Variants in SV2C observed in about 807,000 individuals in gnomAD.
SV2C encodes the protein synaptic vesicle glycoprotein 2C, also known as solute carrier family 22 member B3.
In SV2C, 49 loss-of-function variants were observed where a neutral mutation model predicts 79.7. That is an observed-to-expected ratio of 0.61 (90% confidence interval 0.49 to 0.78). SV2C has a LOEUF of 0.78. Among genes scored for constraint, SV2C ranks in the 30% least tolerant of loss-of-function variants. The pLI is 0.00. For synonymous variants in SV2C, 334 were observed against 333.2 expected (o/e 1.00, Z -0.03); for missense variants, 833 against 912.9 (o/e 0.91, Z 1.13).
At chr5:76,219,124 G>A (rs182201942) in intron 4 of SV2C, among the ~76,000 whole-genome samples, 1 of 152,098 alleles carries the variant, frequency 6.6e-6, no homozygotes, top group South Asian at 2.1e-4. Context: ...GCCAGGACAG[G>A]CAGGTGACAG....
intron 1 of SV2C, among the ~76,000 whole-genome samples, chr5:76,106,506 C>T (rs1747924142): frequency 6.6e-6 from 1 of 152,226 alleles, no homozygotes; most frequent in Admixed American, 6.5e-5. Flanking sequence ...CAGATGTACA[C>T]AGGGCTTTAT....
chr5:76,273,892 A>C (rs1746947036), intron 4 of SV2C, among the ~76,000 whole-genome samples: 1 of 152,208 alleles, frequency 6.6e-6, no homozygotes, highest in Non-Finnish European at 1.5e-5. Flanking sequence ...CGTTCACAGG[A>C]TTTCAGCTCA....
At chr5:76,322,232 T>C (rs1363929101) in intron 12 of SV2C, among the ~76,000 whole-genome samples, 2 of 152,138 alleles carry the variant, frequency 1.3e-5, no homozygotes, top group Non-Finnish European at 2.9e-5. Context: ...AAGCATTCCT[T>C]TACATCAACA....
At chr5:75,891,474 C>T in the SV2C span, among the ~76,000 whole-genome samples, 1 of 152,090 alleles carries the variant, frequency 6.6e-6, no homozygotes, top group Non-Finnish European at 1.5e-5. Context: ...TCCAAGTACA[C>T]TGATGCATAA....
intron 1 of SV2C, among the ~76,000 whole-genome samples, chr5:76,115,076 G>A (rs1383630943): frequency 3.3e-5 from 5 of 152,104 alleles, no homozygotes; most frequent in African/African-American, 9.7e-5. Flanking sequence ...CAAACTCACC[G>A]TTTATGTCTA....
chr5:76,174,276 G>T, intron 2 of SV2C: 2 of 1,277,900 alleles, frequency 1.6e-6, no homozygotes, highest in South Asian at 2.5e-5. Flanking sequence ...CCCGCGGGTC[G>T]CTACTCTAGG....
chr5:76,161,435 C>T (rs1456109810), intron 2 of SV2C, among the ~76,000 whole-genome samples: 3 of 152,182 alleles, frequency 2.0e-5, no homozygotes, highest in South Asian at 4.1e-4. Context: ...TCTTCTCTCT[C>T]TGTCACGCAG....
chr5:76,241,913 A>C, intron 4 of SV2C: 1 of 696,224 alleles, frequency 1.4e-6, no homozygotes, highest in South Asian at 1.7e-5. Context: ...AGCTTTAAAA[A>C]AAATAAAATA....
At chr5:76,353,039 C>G (rs1580096297) in intron 12 of SV2C, 1 of 442,286 alleles carries the variant, frequency 2.3e-6, no homozygotes, top group East Asian at 7.3e-5. Flanking sequence ...TAACTGGGCT[C>G]AAGTGATCCT....
chr5:76,178,838 A>G (rs967392367), intron 2 of SV2C, among the ~76,000 whole-genome samples: 1 of 152,204 alleles, frequency 6.6e-6, no homozygotes, highest in Non-Finnish European at 1.5e-5. Flanking sequence ...TTCTTGGGAC[A>G]CTCAAGATTT....
intron 12 of SV2C, among the ~76,000 whole-genome samples, chr5:76,339,312 T>C (rs1044414238): frequency 6.6e-6 from 1 of 152,268 alleles, no homozygotes; most frequent in Non-Finnish European, 1.5e-5. Flanking sequence ...TATTCTTTGA[T>C]TGCCTCTTCA....
intron 4 of SV2C, among the ~76,000 whole-genome samples, chr5:76,229,252 T>G (rs1330343405): frequency 3.3e-5 from 5 of 152,254 alleles, no homozygotes; most frequent in Non-Finnish European, 7.3e-5. Context: ...TCAGAGTTCT[T>G]CCTACCCCCA....
rs574806183 is a variant in SV2C, at chr5:76,325,528, G to A, written c.2165G>A (p.Arg722Gln). Residue 722 changes from arginine (R) to glutamine (Q), a missense_variant, in exon 13 of 13, where the codon CGA becomes CAA. By Grantham distance (43) the Arg-to-Gln change is conservative. Transcript: ENST00000502798. ...GTTGGGCTGTGCCTGCCTGACACAC[G>A]AACCCAGGTTCTGATGTAATGGGAA... ...GLVGLCLPDT[R>Q]TQVLM 78 of 1,613,892 alleles carry A rather than the reference G, an allele frequency of 4.8e-5. No homozygotes were observed. The highest frequency in any genetic ancestry group is 5.7e-5 in the Non-Finnish European group (67 of 1,180,008).
intron 1 of SV2C, among the ~76,000 whole-genome samples, chr5:76,096,142 A>G (rs1747550648): frequency 6.6e-6 from 1 of 152,132 alleles, no homozygotes; most frequent in Non-Finnish European, 1.5e-5. Context: ...GGGTTTTTCT[A>G]ATACCCAGCA....
At chr5:76,105,702 C>T (rs6453199) in intron 1 of SV2C, among the ~76,000 whole-genome samples, 40,537 of 151,964 alleles carry the variant, frequency 0.27, 6,130 homozygotes, top group East Asian at 0.42. Context: ...AAATTATCTG[C>T]GTTCAGTCTC....
At chr5:76,273,617 C>T (rs372506353) in intron 4 of SV2C, among the ~76,000 whole-genome samples, 6 of 152,180 alleles carry the variant, frequency 3.9e-5, no homozygotes, top group African/African-American at 9.7e-5. Context: ...TTCCTTCCAC[C>T]GCTGGCTGCT....
At chr5:75,939,083 A>G in the SV2C span, among the ~76,000 whole-genome samples, 7 of 152,192 alleles carry the variant, frequency 4.6e-5, no homozygotes, top group Admixed American at 3.9e-4. Context: ...GCAAAATCAT[A>G]CTTCCAGACC....
At chr5:75,873,343 A>G in the SV2C span, among the ~76,000 whole-genome samples, 1 of 152,128 alleles carries the variant, frequency 6.6e-6, no homozygotes, top group African/African-American at 2.4e-5. Context: ...CAAAAATTTA[A>G]TTTCATTAGA....
At chr5:75,977,741 T>TAATGGATGTACTGCCC in the SV2C span, among the ~76,000 whole-genome samples, 7 of 152,200 alleles carry the variant, frequency 4.6e-5, no homozygotes, top group African/African-American at 1.4e-4. Flanking sequence ...CGTGCCTGCC[T>TAATGGATGTACTGCCC]AATGGATGTA....
Sources: allele counts gnomAD v4.1 joint callset (sites outside exome capture counted in the v4.1 genomes callset), GRCh38; gene constraint gnomAD v4.1.1; transcripts MANE v1.5; gene names NCBI Gene and HGNC (gene_info 2026-07-23, HGNC 2026-07-21).